DOCK9: variants seen among roughly 807,000 people sequenced by gnomAD.
The protein encoded by DOCK9 is dedicator of cytokinesis protein 9.
A neutral mutation model predicts 263.3 loss-of-function variants in DOCK9; 89 were observed. That is an observed-to-expected ratio of 0.34 (90% confidence interval 0.28 to 0.40). DOCK9 has a LOEUF of 0.40. DOCK9 is among the 10% of genes least tolerant of loss of function. The probability of loss-of-function intolerance (pLI) is 1.00; values close to 1 mark genes in which losing one functional copy is unlikely to be tolerated. For missense variants in DOCK9, 2,140 were observed against 2,603.4 expected (o/e 0.82, Z 3.87); for synonymous variants, 976 against 973.1 (o/e 1.00, Z -0.06).
rs554192104 is a variant in DOCK9, at chr13:99,078,892, GA to G, written c.129+7330del. Among the ~76,000 whole-genome samples the G allele has an allele frequency of 6.3e-4, 96 of 151,990 alleles. No individual in the cohort carries two copies. The South Asian group carries it at 0.017, about 27-fold the overall frequency. On this transcript the variant is annotated intron_variant, in intron 1 of 32. Coordinates refer to the DOCK9 transcript ENST00000427887. ...ATCTGGGAAGGACAGAAAATCGGAA[GA>G]AAAAAAAGTGAACTTCCCATCACCC...
At chr13:98,840,227 C>T (rs2093160330) in intron 38 of DOCK9, among the ~76,000 whole-genome samples, 1 of 152,170 alleles carries the variant, frequency 6.6e-6, no homozygotes, top group African/African-American at 2.4e-5. Context: ...TAAGGGTTGG[C>T]AATGTTTTGA....
Position 98,829,607 on chromosome 13 carries a change from T to C in DOCK9, c.4749+36A>G. On this transcript the variant is annotated intron_variant, in intron 42 of 52. Transcript: ENST00000682017. This position sits in a 1 kb window ranked among gnomAD's most constrained non-coding sequence, Gnocchi z 4.1. Reference sequence around the variant, plus strand: ...AAGCACCTCAGGTGCTGATGCAGAGTCTCAGGGTGAAACTAACATGGGCCA... The same window carrying C: ...AAGCACCTCAGGTGCTGATGCAGAGCCTCAGGGTGAAACTAACATGGGCCA... 1.3e-6 allele frequency: 2 copies of C among 1,585,436 alleles called. No homozygotes were observed. The highest frequency in any genetic ancestry group is 1.8e-5 in the Admixed American group (1 of 55,456).
chr13:99,001,561 T>C (rs76195772), intron 1 of DOCK9, among the ~76,000 whole-genome samples: 376 of 152,340 alleles, frequency 2.5e-3, no homozygotes, highest in African/African-American at 8.8e-3. Flanking sequence ...GCCTTAGGTG[T>C]ATGGGTCTTT....
rs559276855 is a variant in DOCK9 at position 98,827,533 on chromosome 13, C to T, written c.4966-646G>A. Among the ~76,000 whole-genome samples the T allele has an allele frequency of 4.6e-5, 7 of 152,340 alleles. No homozygotes were observed. The South Asian group carries it at 1.0e-3, about 23-fold the overall frequency. The stretch of plus-strand genomic sequence containing the variant: ...GTTCTGTGCCTGTCAGCGGGGTGAG[C>T]GCCACCACGTGGTGCCCTCGTCTAG... On this transcript the variant is annotated intron_variant, in intron 43 of 52. Transcript: ENST00000682017.
In DOCK9 at chr13:99,015,004, T is replaced by TC. The variant is rs373724003; in HGVS notation, c.130-59454dup. Among the ~76,000 whole-genome samples, 620 of 151,462 alleles carry TC rather than the reference T, an allele frequency of 4.1e-3. 4 individuals are homozygous for TC. Among genetic ancestry groups the TC allele is most frequent in the African/African-American group, 9.6e-3 (397 of 41,162 alleles). On this transcript the variant is annotated intron_variant, in intron 1 of 32. Transcript: ENST00000427887. Reference sequence around the variant, plus strand: ...TTCTTTCATGCTCCCTTTAAATTTCTCCCCCCCGCATCAAGGACTGGCCAT... The same window carrying TC: ...TTCTTTCATGCTCCCTTTAAATTTCTCCCCCCCCGCATCAAGGACTGGCCAT...
upstream of DOCK9, among the ~76,000 whole-genome samples, chr13:99,087,052 C>T (rs952994389): frequency 6.6e-6 from 1 of 152,216 alleles, no homozygotes; most frequent in East Asian, 1.9e-4. Context: ...CCACGCCCCC[C>T]CTCTGCGCCC....
At chr13:98,898,352 G>T in intron 13 of DOCK9, 91 bp from the exon 14 acceptor site, 2 of 919,296 alleles carry the variant, frequency 2.2e-6, no homozygotes, top group South Asian at 1.4e-5. Flanking sequence ...CACTAAATAA[G>T]TCCTTACCAT....
chr13:98,814,552 T>A (rs1480801595), intron 45 of DOCK9, among the ~76,000 whole-genome samples: 2 of 151,842 alleles, frequency 1.3e-5, no homozygotes, highest in Non-Finnish European at 2.9e-5. Context: ...ATTACAGGGG[T>A]GTGCCACCAC....
intron 7 of DOCK9, 126 bp from the exon 8 acceptor site, chr13:98,915,629 G>GGTTCTAAATGCCAATGAGATATCA: frequency 5.8e-6 from 5 of 865,222 alleles, no homozygotes; most frequent in South Asian, 4.2e-5. Flanking sequence ...TAAATAGCTT[G>GGTTCTAAATGCCAATGAGATATCA]CCCCCTCCTC....
chr13:99,005,642 T>C (rs1883207477), intron 1 of DOCK9, among the ~76,000 whole-genome samples: 1 of 152,162 alleles, frequency 6.6e-6, no homozygotes, highest in Non-Finnish European at 1.5e-5. Context: ...GGATCTTAAC[T>C]AAACTATAAA....
In DOCK9 at chr13:98,904,600, T is replaced by A. The variant is rs759560654; in HGVS notation, c.1035+32A>T. On this transcript the variant is annotated intron_variant, in intron 10 of 52. Coordinates refer to ENST00000682017, the MANE Select transcript of DOCK9 (RefSeq NM_001366683.2). Reference sequence around the variant, plus strand: ...CGATGATTTTCTCTCCCACATTTGGTTTTAAATATTAAACATTTAGATAGT... The same window carrying A: ...CGATGATTTTCTCTCCCACATTTGGATTTAAATATTAAACATTTAGATAGT... 1.2e-5 allele frequency: 18 copies of A among 1,482,096 alleles called. No individual in the cohort carries two copies. The South Asian group carries it at 2.3e-4, about 19-fold the overall frequency. The allele number at this position is 1,482,096 out of a possible 1,614,324, so 91.8% of individuals were successfully genotyped here. A position where few individuals can be genotyped will look rare whatever the true frequency, so the allele number is the denominator to read the frequency against.
At chr13:99,049,812 C>T (rs1235677256) in intron 1 of DOCK9, among the ~76,000 whole-genome samples, 1 of 152,136 alleles carries the variant, frequency 6.6e-6, no homozygotes, top group Non-Finnish European at 1.5e-5. Context: ...GCAACCACAC[C>T]CAGCCAATAG....
intron 45 of DOCK9, among the ~76,000 whole-genome samples, chr13:98,824,073 G>A (rs1400664041): frequency 6.6e-6 from 1 of 152,202 alleles, no homozygotes; most frequent in African/African-American, 2.4e-5. Context: ...ATGAGCCAGA[G>A]AAATTAACTG....
At chr13:98,808,235 C>T (rs548562314) in intron 47 of DOCK9, among the ~76,000 whole-genome samples, 3 of 152,170 alleles carry the variant, frequency 2.0e-5, no homozygotes, top group African/African-American at 4.8e-5. Flanking sequence ...TGAACTGAAG[C>T]GTTTGGGGGT....
At position 99,015,744 on chromosome 13, in the gene DOCK9, C is replaced by T. The variant is rs1052599667; in HGVS notation, c.130-60193G>A. The T allele has an allele frequency of 3.7e-6, 5 of 1,349,042 alleles. No individual in the cohort carries two copies. The African/African-American group carries it at 4.4e-5, about 12-fold the overall frequency. 83.6% of individuals were successfully genotyped at this position (1,349,042 alleles called of 1,614,324 possible). A position where few individuals can be genotyped will look rare whatever the true frequency, so the allele number is the denominator to read the frequency against. ...CACCGGTACTGGAACAGAAGGGAAG[C>T]TCTGAGCTGCCGTACTAGAATCCGC... On this transcript the variant is annotated intron_variant, in intron 1 of 32. Transcript: ENST00000427887.
At position 98,902,305 on chromosome 13, in the gene DOCK9, T is replaced by A. The variant is rs753041607; in HGVS notation, c.1363A>T (p.Met455Leu). The A allele has an allele frequency of 3.1e-6, 5 of 1,613,800 alleles. No homozygotes were observed. The African/African-American group carries it at 4.0e-5, about 13-fold the overall frequency. ...VLKGILHEAAMQYPKQGIFSV... is the reference protein window; with the variant it reads ...VLKGILHEAALQYPKQGIFSV... ...CTCCCCACCTGCTTCGGATACTGCA[T>A]GGCGGCTTCATGAAGGATGCCCTTG... Residue 455 changes from methionine to leucine, a missense_variant, in exon 12 of 53, where the codon ATG becomes TTG. Coordinates refer to ENST00000682017, the MANE Select transcript of DOCK9 (RefSeq NM_001366683.2).
Position 98,883,896 on chromosome 13 carries a change from A to C in DOCK9, c.2386T>G (p.Tyr796Asp), listed in dbSNP as rs1285587749. The change falls in exon 22 of 53, where the codon TAT (tyrosine) becomes GAT (aspartate). Residue 796 changes from tyrosine to aspartate, a missense_variant. Tyr to Asp is a radical substitution (Grantham distance 160). This residue lies in a region of DOCK9 where 1,521 missense variants were observed against 1,741.7 expected (regional missense o/e 0.87). Coordinates refer to ENST00000682017, the MANE Select transcript of DOCK9 (RefSeq NM_001366683.2). Reference sequence around the variant, plus strand: ...TCTACCCATTTAATTTCCGGACCATAATGCTAAAAAAAATATGGAAGAAAC... The same window carrying C: ...TCTACCCATTTAATTTCCGGACCATCATGCTAAAAAAAATATGGAAGAAAC... ...GYQELGMGRH[Y>D]GPEIKWVDGG... is the part of the protein sequence containing the mutation. The C allele has an allele frequency of 1.2e-6, 2 of 1,604,280 alleles. No homozygotes were observed. Among genetic ancestry groups the C allele is most frequent in the East Asian group, 4.5e-5 (2 of 44,808 alleles).
chr13:98,946,586 C>A (rs1255574636), intron 2 of DOCK9, among the ~76,000 whole-genome samples: 2 of 152,172 alleles, frequency 1.3e-5, no homozygotes, highest in East Asian at 1.9e-4. Context: ...CCCAGAGACC[C>A]CATGCGGAAC....
chr13:99,004,210 C>T (rs1882897319), intron 1 of DOCK9, among the ~76,000 whole-genome samples: 1 of 152,196 alleles, frequency 6.6e-6, no homozygotes, highest in Non-Finnish European at 1.5e-5. Context: ...GCCTTATGGG[C>T]CCTCTGAGAG....
Sources: allele counts gnomAD v4.1 joint callset (sites outside exome capture counted in the v4.1 genomes callset), GRCh38; gene constraint gnomAD v4.1.1; regional missense constraint gnomAD v4.1.1; non-coding constraint Gnocchi (gnomAD v3.1); transcripts MANE v1.5; gene names NCBI Gene and HGNC (gene_info 2026-07-23, HGNC 2026-07-21).